The following CFAP61 variants were observed in gnomAD, a reference collection of about 807,000 sequenced individuals.
CFAP61 encodes the protein cilia and flagella associated protein 61, also known as cilia- and flagella-associated protein 61.
In CFAP61, 107 loss-of-function variants were observed where a neutral mutation model predicts 135.6. The ratio of observed to expected loss-of-function variants is 0.79; its 90% CI spans 0.67 to 0.93. The LOEUF (loss-of-function observed/expected upper bound fraction) is 0.93, where lower values mean the gene tolerates loss of function less well. Among genes scored for constraint, CFAP61 ranks in the 40% least tolerant of loss-of-function variants. CFAP61 has a pLI of 0.00. For missense variants in CFAP61, 1,507 were observed against 1,556.2 expected (o/e 0.97, Z 0.53); for synonymous variants, 575 against 578.5 (o/e 0.99, Z 0.09).
At position 20,166,552 on chromosome 20, in the gene CFAP61, G is replaced by T. The variant is rs999281133; in HGVS notation, c.1245+116G>T. ...GTTGAGGTTTGTGTTCGGAGAATAAGGTCAAATGGCATGTCATGAGCTCAT... is the reference window on the plus strand; with the variant it reads ...GTTGAGGTTTGTGTTCGGAGAATAATGTCAAATGGCATGTCATGAGCTCAT... On this transcript the variant is annotated intron_variant, in intron 12 of 26. Coordinates refer to ENST00000245957, the MANE Select transcript of CFAP61 (RefSeq NM_015585.4). 3 of 782,142 alleles carry T rather than the reference G, an allele frequency of 3.8e-6. No homozygotes were observed. In the African/African-American group the frequency reaches 5.2e-5, roughly 13 times the overall value. 48.5% of individuals were successfully genotyped at this position (782,142 alleles called of 1,614,324 possible).
At chr20:20,073,017 A>T (rs2146572878) in intron 3 of CFAP61, among the ~76,000 whole-genome samples, 1 of 152,312 alleles carries the variant, frequency 6.6e-6, no homozygotes, top group East Asian at 1.9e-4. Context: ...AGAGCCTTTA[A>T]GGCTTAATGC....
chr20:20,103,615 A>G (rs1600664882), intron 8 of CFAP61, among the ~76,000 whole-genome samples: 1 of 152,344 alleles, frequency 6.6e-6, no homozygotes, highest in East Asian at 1.9e-4. Context: ...ATGCTAAAAA[A>G]AACTTATTGA....
At position 20,164,136 on chromosome 20, in the gene CFAP61, T is replaced by A. The variant is rs762663938; in HGVS notation, c.1113T>A (p.Pro371=). ...GGAGCTTGGCATCGCTCGTACTGCC[T>A]GAAGAGCCCGTCCACTTCCGCCCCA... ...SSRSLASLVL[P]EEPVHFRPIY... is the part of the protein sequence containing the mutation. Residue 371 remains proline, a synonymous_variant, in exon 11 of 27, where the codon CCT becomes CCA. Coordinates refer to ENST00000245957, the MANE Select transcript of CFAP61 (RefSeq NM_015585.4). 20 of 1,613,960 alleles carry A rather than the reference T, an allele frequency of 1.2e-5. No individual in the cohort carries two copies. Among genetic ancestry groups the A allele is most frequent in the Non-Finnish European group, 4.2e-6 (5 of 1,179,964 alleles).
At chr20:20,146,813 G>T (rs1011841985) in intron 9 of CFAP61, among the ~76,000 whole-genome samples, 4 of 152,160 alleles carry the variant, frequency 2.6e-5, no homozygotes, top group African/African-American at 9.7e-5. Flanking sequence ...TGGTTACCTG[G>T]ATAAGTTCTT....
rs535166846 is a variant in CFAP61, at chr20:20,360,463, G to A, written c.*53G>A. On this transcript the variant is annotated 3_prime_UTR_variant, in exon 27 of 27. Transcript: ENST00000245957. ...TTTCATTTATTTAGTTCCTGGAAAC[G>A]CGCTCTGTAGAAATAGAAAAGTTCT... The A allele has an allele frequency of 9.2e-6, 14 of 1,527,738 alleles. No individual in the cohort carries two copies. In the African/African-American group the frequency reaches 1.7e-4, roughly 18 times the overall value. The allele number at this position is 1,527,738 out of a possible 1,614,324, so 94.6% of individuals were successfully genotyped here. A position where few individuals can be genotyped will look rare whatever the true frequency, so the allele number is the denominator to read the frequency against.
At chr20:20,190,845 A>G (rs1030817421) in intron 14 of CFAP61, among the ~76,000 whole-genome samples, 1 of 152,148 alleles carries the variant, frequency 6.6e-6, no homozygotes, top group Non-Finnish European at 1.5e-5. Context: ...GAGGCCAGGT[A>G]TGGTGGCTCA....
intron 1 of CFAP61, chr20:20,052,856 T>A: frequency 1.2e-6 from 1 of 809,284 alleles, no homozygotes; most frequent in Non-Finnish European, 1.9e-6. Flanking sequence ...CCTCGAGCAT[T>A]GCATTCTAGT....
chr20:20,277,126 T>G, intron 21 of CFAP61, 40 bp from the exon 22 acceptor site: 1 of 1,517,236 alleles, frequency 6.6e-7, no homozygotes, highest in Non-Finnish European at 9.0e-7. Flanking sequence ...TTTTTTGGTT[T>G]TCTGAACTGT....
At chr20:20,325,460 T>C (rs997725817) in intron 25 of CFAP61, among the ~76,000 whole-genome samples, 1 of 152,228 alleles carries the variant, frequency 6.6e-6, no homozygotes, top group Non-Finnish European at 1.5e-5. Context: ...TTTTACCTTT[T>C]CCAGAATATC....
chr20:20,236,048 C>T (rs570460269), intron 18 of CFAP61, among the ~76,000 whole-genome samples: 29 of 152,288 alleles, frequency 1.9e-4, no homozygotes, highest in African/African-American at 6.7e-4. Flanking sequence ...GGTTTGAATT[C>T]TCCTTTTTAT....
intron 25 of CFAP61, among the ~76,000 whole-genome samples, chr20:20,318,576 G>T (rs1377698330): frequency 6.6e-6 from 1 of 152,102 alleles, no homozygotes; most frequent in Non-Finnish European, 1.5e-5. Flanking sequence ...TCCTTCTCTG[G>T]GATTGGCCTC....
At chr20:20,152,231 CA>C (rs1388084556) in intron 9 of CFAP61, among the ~76,000 whole-genome samples, 1 of 151,404 alleles carries the variant, frequency 6.6e-6, no homozygotes, top group Non-Finnish European at 1.5e-5. Context: ...AATCTTGAAA[CA>C]AAACTTCAAA....
chr20:20,171,078 G>A (rs561480463), intron 13 of CFAP61, among the ~76,000 whole-genome samples: 65 of 152,202 alleles, frequency 4.3e-4, no homozygotes, highest in Non-Finnish European at 5.9e-4. Context: ...AACTGAAATC[G>A]GAACCCAGGC....
chr20:20,349,789 A>G (rs1236736942), intron 26 of CFAP61, among the ~76,000 whole-genome samples: 1 of 152,222 alleles, frequency 6.6e-6, no homozygotes, highest in Non-Finnish European at 1.5e-5. Context: ...ATGCATTTGA[A>G]GACTTTATAT....
At chr20:20,325,142 T>C (rs1017468969) in intron 25 of CFAP61, among the ~76,000 whole-genome samples, 1 of 152,152 alleles carries the variant, frequency 6.6e-6, no homozygotes, top group Non-Finnish European at 1.5e-5. Context: ...CATACCCTCC[T>C]CCACCCCCAG....
chr20:20,164,787 G>C (rs2053686364), intron 11 of CFAP61, among the ~76,000 whole-genome samples: 1 of 152,164 alleles, frequency 6.6e-6, no homozygotes, highest in African/African-American at 2.4e-5. Context: ...ACTCAAGACT[G>C]GGTGATTTAT....
At chr20:20,352,101 TCA>T (rs1050364938) in intron 26 of CFAP61, among the ~76,000 whole-genome samples, 2 of 152,340 alleles carry the variant, frequency 1.3e-5, no homozygotes, top group African/African-American at 4.8e-5. Context: ...TTTAATTGAC[TCA>T]CAGTTCCATA....
chr20:20,112,609 C>CTTCTCCCACACTGTAAACTCCTTTG (rs1211089940), intron 8 of CFAP61, among the ~76,000 whole-genome samples: 1 of 152,094 alleles, frequency 6.6e-6, no homozygotes, highest in East Asian at 1.9e-4. Context: ...GGTCATCATT[C>CTTCTCCCACACTGTAAACTCCTTTG]TTCTCCCACA....
intron 25 of CFAP61, among the ~76,000 whole-genome samples, chr20:20,341,344 A>G (rs1424038208): frequency 6.6e-6 from 1 of 152,236 alleles, no homozygotes; most frequent in Non-Finnish European, 1.5e-5. Flanking sequence ...CCTACAAGAG[A>G]TTCAATTAAG....
Sources: gnomAD v4.1 joint callset for allele counts (sites outside exome capture counted in the v4.1 genomes callset) on GRCh38, gnomAD v4.1.1 for gene constraint, MANE v1.5 for transcripts, NCBI Gene and HGNC (gene_info 2026-07-23, HGNC 2026-07-21) for gene names.